Variants in FOXP1 observed in about 807,000 individuals in gnomAD.
FOXP1 encodes forkhead box P1.
A neutral mutation model predicts 98.2 loss-of-function variants in FOXP1; 15 were observed. That is an observed-to-expected ratio of 0.15 (90% confidence interval 0.10 to 0.24). The LOEUF (loss-of-function observed/expected upper bound fraction) is 0.24, where lower values mean the gene tolerates loss of function less well. Among genes scored for constraint, FOXP1 ranks in the 10% least tolerant of loss-of-function variants. The probability of loss-of-function intolerance (pLI) is 1.00; values close to 1 mark genes in which losing one functional copy is unlikely to be tolerated. For missense variants in FOXP1, 633 were observed against 848.5 expected, an observed-to-expected ratio of 0.75 and a Z score of 3.15; for synonymous variants, 371 against 314.5, an observed-to-expected ratio of 1.18 and a Z score of -1.90.
intron 11 of FOXP1, among the ~76,000 whole-genome samples, chr3:71,020,750 T>C (rs2045310623): frequency 6.6e-6 from 1 of 152,194 alleles, no homozygotes; most frequent in South Asian, 2.1e-4. Flanking sequence ...ACCCAAGTTC[T>C]CATCTGTCTT....
chr3:71,218,812 C>T (rs2065137973), intron 5 of FOXP1, among the ~76,000 whole-genome samples: 1 of 152,206 alleles, frequency 6.6e-6, no homozygotes, highest in Non-Finnish European at 1.5e-5. Flanking sequence ...AGCACTATCC[C>T]TGGAAGTCCT....
Position 71,052,633 on chromosome 3 carries a change from AG to A in FOXP1, c.421-8del. ...AAAACTCTTGAAGCTGCTGCTACAA[AG>A]GAAAGAGAGGACGGTAAGTAACAGA... On this transcript the variant is annotated splice_region_variant and splice_polypyrimidine_tract_variant and intron_variant, in intron 8 of 20. Transcript: ENST00000649528. 9.3e-7 allele frequency: 1 copy of A among 1,075,654 alleles called. No homozygotes were observed. The highest frequency in any genetic ancestry group is 1.5e-6 in the Non-Finnish European group (1 of 687,274). 66.6% of individuals were successfully genotyped at this position (1,075,654 alleles called of 1,614,324 possible).
At chr3:71,477,830 G>T (rs1461755086) in intron 3 of FOXP1, among the ~76,000 whole-genome samples, 1 of 152,160 alleles carries the variant, frequency 6.6e-6, no homozygotes, top group Non-Finnish European at 1.5e-5. Flanking sequence ...AGTACCAACT[G>T]AAATAGATCT....
intron 6 of FOXP1, among the ~76,000 whole-genome samples, chr3:71,183,478 G>A (rs573190631): frequency 5.3e-5 from 8 of 152,180 alleles, no homozygotes; most frequent in South Asian, 2.1e-4. Flanking sequence ...CAGTCTGGGC[G>A]ACAGAGTAAC....
chr3:71,097,493 G>A (rs1313035259), intron 7 of FOXP1, among the ~76,000 whole-genome samples: 1 of 152,120 alleles, frequency 6.6e-6, no homozygotes, highest in Non-Finnish European at 1.5e-5. Context: ...AGAACTACTA[G>A]TAAACCAAAT....
chr3:71,102,506 C>G (rs2057053329), intron 7 of FOXP1, among the ~76,000 whole-genome samples: 1 of 152,208 alleles, frequency 6.6e-6, no homozygotes, highest in Non-Finnish European at 1.5e-5. Flanking sequence ...ATTTCCCAAA[C>G]TGTACATTTT....
At chr3:71,405,730 A>ATTTTT (rs200584550) in intron 3 of FOXP1, among the ~76,000 whole-genome samples, 1 of 150,770 alleles carries the variant, frequency 6.6e-6, no homozygotes, top group South Asian at 2.1e-4. Context: ...TTATTTATTT[A>ATTTTT]TTTATTTATT....
At chr3:71,189,948 C>A (rs552121076) in intron 6 of FOXP1, among the ~76,000 whole-genome samples, 11 of 152,364 alleles carry the variant, frequency 7.2e-5, no homozygotes, top group Middle Eastern at 3.4e-3. Flanking sequence ...GGATCAACAA[C>A]AGGGTGCCCT....
intron 5 of FOXP1, among the ~76,000 whole-genome samples, chr3:71,286,055 A>T (rs2072091072): frequency 6.6e-6 from 1 of 152,186 alleles, no homozygotes; most frequent in Non-Finnish European, 1.5e-5. Flanking sequence ...TTACTTATAT[A>T]TTTTCATATG....
chr3:71,157,059 A>G (rs2060860144), intron 6 of FOXP1, among the ~76,000 whole-genome samples: 1 of 152,252 alleles, frequency 6.6e-6, no homozygotes, highest in African/African-American at 2.4e-5. Context: ...GTGGAGGAGC[A>G]TACACTTCCA....
intron 4 of FOXP1, among the ~76,000 whole-genome samples, chr3:71,335,591 G>T (rs539517298): frequency 1.3e-5 from 2 of 152,250 alleles, no homozygotes; most frequent in Admixed American, 1.3e-4. Flanking sequence ...AACTCATGAG[G>T]CCTGGACACA....
At chr3:71,211,294 C>T (rs1298511247) in intron 5 of FOXP1, among the ~76,000 whole-genome samples, 1 of 152,142 alleles carries the variant, frequency 6.6e-6, no homozygotes. Context: ...GCAACCTCTT[C>T]CTCTTGGTTC....
At chr3:71,578,809 G>C (rs2047921071) in intron 2 of FOXP1, among the ~76,000 whole-genome samples, 1 of 152,100 alleles carries the variant, frequency 6.6e-6, no homozygotes, top group Non-Finnish European at 1.5e-5. Flanking sequence ...TCTTTAAAAA[G>C]GCAAAGAAAA....
chr3:71,492,074 A>C (rs2091098753), intron 3 of FOXP1, among the ~76,000 whole-genome samples: 2 of 152,190 alleles, frequency 1.3e-5, no homozygotes, highest in African/African-American at 4.8e-5. Flanking sequence ...CCATTTGTAA[A>C]CTGAGGTATT....
intron 7 of FOXP1, among the ~76,000 whole-genome samples, chr3:71,064,216 A>C (rs1447643871): frequency 6.6e-6 from 1 of 152,132 alleles, no homozygotes; most frequent in Non-Finnish European, 1.5e-5. Context: ...CTGTGTGTGA[A>C]CTCGTCGAAT....
rs549782790 is a variant in FOXP1, at chr3:71,036,137, A to G, written c.869+5191T>C. On this transcript the variant is annotated intron_variant, in intron 11 of 20. Transcript: ENST00000649528. Reference sequence around the variant, plus strand: ...AATCAAAAACAGAGACTGTGTATCAAGTGAAACTGTCTATAAGTACACTAG... The same window carrying G: ...AATCAAAAACAGAGACTGTGTATCAGGTGAAACTGTCTATAAGTACACTAG... 2.0e-5 allele frequency among the ~76,000 whole-genome samples: 3 copies of G among 152,256 alleles called. No homozygotes were observed. In the East Asian group the frequency reaches 5.8e-4, roughly 30 times the overall value.
intron 7 of FOXP1, among the ~76,000 whole-genome samples, chr3:71,056,643 C>T (rs899404812): frequency 1.3e-5 from 2 of 152,170 alleles, no homozygotes; most frequent in African/African-American, 2.4e-5. Flanking sequence ...TCTGAAACCA[C>T]GTTTTCATGC....
intron 4 of FOXP1, among the ~76,000 whole-genome samples, chr3:71,349,539 T>C (rs1292824765): frequency 6.6e-6 from 1 of 152,186 alleles, no homozygotes; most frequent in African/African-American, 2.4e-5. Flanking sequence ...ATGAAAATTA[T>C]TAATTCAGGG....
chr3:71,071,055 G>A (rs1335358379), intron 7 of FOXP1, among the ~76,000 whole-genome samples: 3 of 152,130 alleles, frequency 2.0e-5, no homozygotes, highest in Non-Finnish European at 1.5e-5. Flanking sequence ...GGGGCTCTGC[G>A]CTCGCTATGG....
Sources: allele counts gnomAD v4.1 joint callset (sites outside exome capture counted in the v4.1 genomes callset), GRCh38; gene constraint gnomAD v4.1.1; transcripts MANE v1.5; gene names NCBI Gene and HGNC (gene_info 2026-07-23, HGNC 2026-07-21).